Variants in SLIT3 observed in about 807,000 individuals in gnomAD.
The protein encoded by SLIT3 is slit guidance ligand 3, also known as slit homolog 3 protein.
A neutral mutation model predicts 184.0 loss-of-function variants in SLIT3; 68 were observed. The ratio of observed to expected loss-of-function variants is 0.37; its 90% CI spans 0.30 to 0.45. The LOEUF (loss-of-function observed/expected upper bound fraction) is 0.45, where lower values mean the gene tolerates loss of function less well. Among genes scored for constraint, SLIT3 ranks in the 20% least tolerant of loss-of-function variants. SLIT3 has a pLI of 1.00. For synonymous variants in SLIT3, 831 were observed against 828.6 expected, an observed-to-expected ratio of 1.00 and a Z score of -0.05; for missense variants, 1,707 against 2,026.0, an observed-to-expected ratio of 0.84 and a Z score of 3.02.
At chr5:168,746,434 G>GGTGGTGTGGGTGTGGTGGTGT (rs1561907128) in intron 20 of SLIT3, among the ~76,000 whole-genome samples, 1 of 63,406 alleles carries the variant, frequency 1.6e-5, no homozygotes, top group African/African-American at 6.7e-5. Flanking sequence ...GGTGGTGTGT[G>GGTGGTGTGGGTGTGGTGGTGT]GTGGTGTGGG....
intron 9 of SLIT3, among the ~76,000 whole-genome samples, chr5:168,806,089 A>AG (rs1389125890): frequency 6.6e-6 from 1 of 152,230 alleles, no homozygotes; most frequent in Non-Finnish European, 1.5e-5. Context: ...CATACTTTTT[A>AG]GGCCTTGTGG....
intron 4 of SLIT3, among the ~76,000 whole-genome samples, chr5:169,156,719 T>C (rs559962655): frequency 3.5e-4 from 54 of 152,362 alleles, no homozygotes; most frequent in African/African-American, 1.2e-3. Flanking sequence ...AGGTACCTGA[T>C]GATATACATA....
chr5:168,813,219 G>C (rs1757221493), intron 8 of SLIT3, among the ~76,000 whole-genome samples: 1 of 151,550 alleles, frequency 6.6e-6, no homozygotes, highest in African/African-American at 2.4e-5. Flanking sequence ...ATTGCGACTG[G>C]TAGAAACCCT....
intron 23 of SLIT3, among the ~76,000 whole-genome samples, chr5:168,717,906 C>T (rs1178792958): frequency 2.0e-5 from 3 of 152,044 alleles, no homozygotes; most frequent in Admixed American, 6.6e-5. Flanking sequence ...ATGATCCACC[C>T]GCCTCGGCCT....
intron 4 of SLIT3, among the ~76,000 whole-genome samples, chr5:169,026,937 G>A (rs748747619): frequency 8.5e-5 from 13 of 152,174 alleles, no homozygotes; most frequent in Non-Finnish European, 1.8e-4. Context: ...GCCCTCAGGA[G>A]GCTTGAAGTC....
chr5:169,119,583 G>A (rs1760807689), intron 4 of SLIT3, among the ~76,000 whole-genome samples: 2 of 152,204 alleles, frequency 1.3e-5, no homozygotes, highest in Non-Finnish European at 2.9e-5. Flanking sequence ...GACGTTTTCT[G>A]TCTACCAGGC....
chr5:168,881,668 T>C (rs927352320), intron 5 of SLIT3, among the ~76,000 whole-genome samples: 1 of 152,310 alleles, frequency 6.6e-6, no homozygotes, highest in East Asian at 1.9e-4. Context: ...AGTCTTGAGT[T>C]CTTGGAATGC....
chr5:169,050,931 C>G (rs185666208), intron 4 of SLIT3, among the ~76,000 whole-genome samples: 2 of 152,222 alleles, frequency 1.3e-5, no homozygotes, highest in East Asian at 3.9e-4. Flanking sequence ...AGCCTTCCAG[C>G]GCTCTGCTGT....
chr5:168,683,369 C>CAAAAA (rs59868617), intron 32 of SLIT3, among the ~76,000 whole-genome samples: 67 of 104,812 alleles, frequency 6.4e-4, no homozygotes, highest in African/African-American at 1.9e-3. Context: ...AACTCCATCT[C>CAAAAA]AAAAAAAAAA....
rs1486993355 is a variant in SLIT3, at chr5:168,663,479, G to C, written c.*2975C>G. The C allele has an allele frequency of 6.6e-6, 1 of 152,266 alleles. No individual in the cohort carries two copies. The highest frequency in any genetic ancestry group is 2.4e-5 in the African/African-American group (1 of 41,448). 9.4% of individuals were successfully genotyped at this position (152,266 alleles called of 1,614,324 possible). A position where few individuals can be genotyped will look rare whatever the true frequency, so the allele number is the denominator to read the frequency against. ...CAAGTCCATTTTGGGTGACAGCTCT[G>C]TCTCCTCTTTCAGGCCTTTATGCTG... On this transcript the variant is annotated 3_prime_UTR_variant, in exon 36 of 36. Transcript: ENST00000519560.
chr5:168,884,807 T>C (rs1760130645), intron 4 of SLIT3, among the ~76,000 whole-genome samples: 1 of 151,926 alleles, frequency 6.6e-6, no homozygotes, highest in South Asian at 2.1e-4. Flanking sequence ...CTTCTGTGCA[T>C]GCACATTTTG....
Position 169,300,344 on chromosome 5 carries a change from A to G in SLIT3, c.197+169T>C, listed in dbSNP as rs1359932196. On this transcript the variant is annotated intron_variant, in intron 1 of 35. Transcript: ENST00000519560. The surrounding 1 kb of genome is among the most constrained non-coding windows in gnomAD (Gnocchi z 4.1). ...TTCGAGACCTCTCTTTCCAGATCTG[A>G]CCAAGCCTACAGACCCCCAGCTCGG... Among the ~76,000 whole-genome samples, 1 of 152,122 alleles carries G rather than the reference A, an allele frequency of 6.6e-6. No individual in the cohort carries two copies. Among genetic ancestry groups the G allele is most frequent in the Admixed American group, 6.5e-5 (1 of 15,286 alleles).
intron 5 of SLIT3, among the ~76,000 whole-genome samples, chr5:168,872,528 CTCAAT>C (rs1759562100): frequency 6.6e-6 from 1 of 151,626 alleles, no homozygotes. Flanking sequence ...ACACTTTCCA[CTCAAT>C]TCTTCTGTAA....
chr5:168,688,469 C>T (rs747896395), intron 29 of SLIT3, among the ~76,000 whole-genome samples: 1 of 152,162 alleles, frequency 6.6e-6, no homozygotes, highest in Non-Finnish European at 1.5e-5. Context: ...GGGTGGAATC[C>T]ACAAGTGGCA....
intron 35 of SLIT3, chr5:168,667,623 TGAGG>T (rs1761098019): frequency 1.3e-5 from 2 of 152,320 alleles, no homozygotes; most frequent in Admixed American, 1.3e-4. Flanking sequence ...GCAAGGCACT[TGAGG>T]AAGGGAGCCA....
intron 4 of SLIT3, among the ~76,000 whole-genome samples, chr5:169,138,776 G>C (rs750540984): frequency 5.3e-5 from 8 of 152,206 alleles, no homozygotes; most frequent in Non-Finnish European, 1.0e-4. Flanking sequence ...GGCATATCCA[G>C]CAACACATTC....
Position 169,128,281 on chromosome 5 carries a change from T to C in SLIT3, c.413+65198A>G, listed in dbSNP as rs571284869. On this transcript the variant is annotated intron_variant, in intron 4 of 35. Coordinates refer to ENST00000519560, the MANE Select transcript of SLIT3 (RefSeq NM_003062.4). ...ATATATACATATATATATTTATATA[T>C]ATATATATAATTTATATGTGTGCAT... Among the ~76,000 whole-genome samples, 6 of 148,100 alleles carry C rather than the reference T, an allele frequency of 4.1e-5. No homozygotes were observed. In the South Asian group the frequency reaches 1.3e-3, roughly 31 times the overall value.
chr5:168,965,359 A>G (rs937453407), intron 4 of SLIT3, among the ~76,000 whole-genome samples: 8 of 152,222 alleles, frequency 5.3e-5, no homozygotes, highest in African/African-American at 1.7e-4. Context: ...TAAAACAGAA[A>G]GATGGGTTTT....
chr5:168,755,388 C>CATTTATTTATTT (rs1356795830), intron 16 of SLIT3, among the ~76,000 whole-genome samples: 3 of 107,242 alleles, frequency 2.8e-5, no homozygotes, highest in Admixed American at 1.9e-4. Context: ...TCAGTGCCGC[C>CATTTATTTATTT]ATTTCTTTCT....
Sources: allele counts gnomAD v4.1 joint callset (sites outside exome capture counted in the v4.1 genomes callset), GRCh38; gene constraint gnomAD v4.1.1; non-coding constraint Gnocchi (gnomAD v3.1); transcripts MANE v1.5; gene names NCBI Gene and HGNC (gene_info 2026-07-23, HGNC 2026-07-21).